The following C14orf132 variants were observed in gnomAD, a reference collection of about 807,000 sequenced individuals.
C14orf132 encodes the protein chromosome 14 open reading frame 132.
Under a neutral mutation model 5.8 loss-of-function variants are expected in C14orf132, and 6 were observed. The ratio of observed to expected loss-of-function variants is 1.03; its 90% CI spans 0.57 to 2.04. The LOEUF (loss-of-function observed/expected upper bound fraction) is 2.04, where lower values mean the gene tolerates loss of function less well. C14orf132 is among the 30% of genes most tolerant of loss of function. C14orf132 has a pLI of 0.00. For synonymous variants in C14orf132, 51 were observed against 49.8 expected, an observed-to-expected ratio of 1.02 and a Z score of -0.10; for missense variants, 125 against 115.8, an observed-to-expected ratio of 1.08 and a Z score of -0.37.
intron 1 of C14orf132, among the ~76,000 whole-genome samples, chr14:96,055,579 C>T (rs1218185907): frequency 6.6e-6 from 1 of 152,210 alleles, no homozygotes; most frequent in Non-Finnish European, 1.5e-5. Flanking sequence ...AGCTTGGCCA[C>T]TGCTGAGCTG....
At chr14:96,049,485 T>TGCATATATATACGTATATATAC (rs1886935386) in intron 1 of C14orf132, among the ~76,000 whole-genome samples, 3 of 146,054 alleles carry the variant, frequency 2.1e-5, no homozygotes, top group Non-Finnish European at 4.5e-5. Context: ...TGTATATATA[T>TGCATATATATACGTATATATAC]GCATATATAT....
In C14orf132 at chr14:96,092,629, T is replaced by C. The variant is rs913152307; in HGVS notation, c.*5894T>C. 1.3e-5 allele frequency: 2 copies of C among 152,222 alleles called. No homozygotes were observed. Among genetic ancestry groups the C allele is most frequent in the Admixed American group, 6.5e-5 (1 of 15,280 alleles). The allele number at this position is 152,222 out of a possible 1,614,324, so 9.4% of individuals were successfully genotyped here. A position where few individuals can be genotyped will look rare whatever the true frequency, so the allele number is the denominator to read the frequency against. On this transcript the variant is annotated 3_prime_UTR_variant, in exon 2 of 2. Transcript: ENST00000555004. ...ATGCAGATGGTTCTGACAAGGGCTC[T>C]ATATGCTGGCAGAAGGGAGCTTCCA...
At chr14:96,046,779 T>G (rs942770759) in intron 1 of C14orf132, among the ~76,000 whole-genome samples, 3 of 152,100 alleles carry the variant, frequency 2.0e-5, no homozygotes, top group African/African-American at 7.2e-5. Context: ...AAAGAGAAGG[T>G]CCCCCAGGAC....
intron 1 of C14orf132, among the ~76,000 whole-genome samples, chr14:96,061,832 C>T (rs1887366937): frequency 6.6e-6 from 1 of 152,062 alleles, no homozygotes; most frequent in African/African-American, 2.4e-5. Context: ...ATTGCTTGAG[C>T]CCAAGAGTTT....
chr14:96,063,281 C>A (rs559973868), intron 1 of C14orf132, among the ~76,000 whole-genome samples: 1 of 152,170 alleles, frequency 6.6e-6, no homozygotes, highest in African/African-American at 2.4e-5. Context: ...ACTGTCCACC[C>A]AAGGAACAGG....
chr14:96,064,864 A>T (rs1249265671), intron 1 of C14orf132, among the ~76,000 whole-genome samples: 1 of 152,162 alleles, frequency 6.6e-6, no homozygotes, highest in East Asian at 1.9e-4. Context: ...TCACGTCCTC[A>T]TCTTAATTTG....
In C14orf132 at chr14:96,092,735, G is replaced by A. The variant is rs1425793865; in HGVS notation, c.*6000G>A. Reference sequence around the variant, plus strand: ...GAGCTTTTCAGGAGACAGGGGTCTTGAGCCCAGGACACCTAACTATCGAGT... The same window carrying A: ...GAGCTTTTCAGGAGACAGGGGTCTTAAGCCCAGGACACCTAACTATCGAGT... On this transcript the variant is annotated 3_prime_UTR_variant, in exon 2 of 2. Coordinates refer to ENST00000555004, the MANE Select transcript of C14orf132 (RefSeq NM_001252507.3). 3 of 152,230 alleles carry A rather than the reference G, an allele frequency of 2.0e-5. No homozygotes were observed. Among genetic ancestry groups the A allele is most frequent in the Admixed American group, 6.5e-5 (1 of 15,282 alleles). 9.4% of individuals were successfully genotyped at this position (152,230 alleles called of 1,614,324 possible).
At chr14:96,043,241 G>A (rs934368726) in intron 1 of C14orf132, among the ~76,000 whole-genome samples, 1 of 152,166 alleles carries the variant, frequency 6.6e-6, no homozygotes, top group East Asian at 1.9e-4. Flanking sequence ...GGCCCGTTGG[G>A]ATGCTCACTT....
At chr14:96,045,970 G>A (rs978637477) in intron 1 of C14orf132, among the ~76,000 whole-genome samples, 2 of 152,136 alleles carry the variant, frequency 1.3e-5, no homozygotes, top group Non-Finnish European at 2.9e-5. Flanking sequence ...AGGCAACTTG[G>A]CCACTCTCCT....
intron 1 of C14orf132, among the ~76,000 whole-genome samples, chr14:96,041,254 G>A (rs1030188176): frequency 4.6e-5 from 7 of 152,144 alleles, no homozygotes; most frequent in African/African-American, 1.7e-4. Context: ...TGTGCCAGAC[G>A]CTGGGTGCTT....
intron 1 of C14orf132, among the ~76,000 whole-genome samples, chr14:96,061,780 C>T (rs1286625732): frequency 6.6e-6 from 1 of 152,046 alleles, no homozygotes; most frequent in Non-Finnish European, 1.5e-5. Flanking sequence ...TGTGGTGGTG[C>T]ATGCCTGTAG....
rs1888326317 is a variant in C14orf132, at chr14:96,089,908, A to C, written c.*3173A>C. The C allele has an allele frequency of 6.6e-6, 1 of 152,258 alleles. No individual in the cohort carries two copies. The highest frequency in any genetic ancestry group is 2.4e-5 in the African/African-American group (1 of 41,444). 9.4% of individuals were successfully genotyped at this position (152,258 alleles called of 1,614,324 possible). ...CCATCTTGTTCTGCAAGGTGACCCC[A>C]GGCTCCCCAGGACAGGGGAGAGGGA... On this transcript the variant is annotated 3_prime_UTR_variant, in exon 2 of 2. Transcript: ENST00000555004.
chr14:96,054,693 G>A (rs11160304), intron 1 of C14orf132, among the ~76,000 whole-genome samples: 12,405 of 152,096 alleles, frequency 0.082, 629 homozygotes, highest in East Asian at 0.17. Context: ...CTTTTTTTGG[G>A]CTAAATGTAG....
At chr14:96,080,486 C>T (rs11625376) in intron 1 of C14orf132, among the ~76,000 whole-genome samples, 4 of 152,094 alleles carry the variant, frequency 2.6e-5, no homozygotes, top group African/African-American at 4.8e-5. Context: ...TCACAATCAC[C>T]CTTCTATTGT....
At chr14:96,086,437 C>T (rs1227668070) in intron 1 of C14orf132, 74 bp from the exon 2 acceptor site, 2 of 1,375,160 alleles carry the variant, frequency 1.5e-6, no homozygotes, top group African/African-American at 1.4e-5. Context: ...TTTGACCAGA[C>T]CACTTCCCTT....
At chr14:96,076,098 A>G (rs1566833783) in intron 1 of C14orf132, among the ~76,000 whole-genome samples, 3 of 152,168 alleles carry the variant, frequency 2.0e-5, no homozygotes, top group Non-Finnish European at 4.4e-5. Flanking sequence ...TAATAGCTAT[A>G]AGGACTGTGT....
intron 1 of C14orf132, among the ~76,000 whole-genome samples, chr14:96,046,090 A>C (rs1206310336): frequency 6.6e-6 from 1 of 152,152 alleles, no homozygotes; most frequent in East Asian, 1.9e-4. Context: ...CCCAAGAAAG[A>C]GTGTTCCAGC....
intron 1 of C14orf132, among the ~76,000 whole-genome samples, chr14:96,067,573 C>T (rs937330749): frequency 6.6e-6 from 1 of 151,920 alleles, no homozygotes; most frequent in Non-Finnish European, 1.5e-5. Flanking sequence ...GTGGTGGGCA[C>T]CTATAATCCC....
chr14:96,049,592 A>G (rs188602937), intron 1 of C14orf132, among the ~76,000 whole-genome samples: 1,379 of 128,612 alleles, frequency 0.011, 65 homozygotes, highest in Admixed American at 0.024. Flanking sequence ...ATATATATAC[A>G]TATATACGTA....
Sources: gnomAD v4.1 joint callset for allele counts (sites outside exome capture counted in the v4.1 genomes callset) on GRCh38, gnomAD v4.1.1 for gene constraint, MANE v1.5 for transcripts, NCBI Gene and HGNC (gene_info 2026-07-23, HGNC 2026-07-21) for gene names.